SYN3: variants seen among roughly 807,000 people sequenced by gnomAD.
The protein encoded by SYN3 is synapsin-3.
A neutral mutation model predicts 65.8 loss-of-function variants in SYN3; 35 were observed. The observed-to-expected ratio is 0.53, with a 90% CI of 0.41 to 0.70. The LOEUF is 0.70. Ranked by LOEUF, SYN3 falls within the 30% of genes least tolerant of loss-of-function variation. The pLI is 0.00. For synonymous variants in SYN3, 270 were observed against 292.9 expected (o/e 0.92, Z 0.80); for missense variants, 680 against 749.0 (o/e 0.91, Z 1.08).
intron 3 of SYN3, among the ~76,000 whole-genome samples, chr22:32,966,092 C>T (rs1376114453): frequency 6.6e-6 from 1 of 152,136 alleles, no homozygotes; most frequent in Non-Finnish European, 1.5e-5. Context: ...GTCCCTGTTC[C>T]CAATGAGCCC....
chr22:32,573,764 GTTT>G (rs1206847975), intron 7 of SYN3, among the ~76,000 whole-genome samples: 1,917 of 108,494 alleles, frequency 0.018, 46 homozygotes, highest in African/African-American at 0.069. Context: ...GAAGGAAGGG[GTTT>G]TTTTTTTTTT....
intron 1 of SYN3, among the ~76,000 whole-genome samples, chr22:33,052,962 G>A (rs1457349821): frequency 6.6e-6 from 1 of 152,218 alleles, no homozygotes; most frequent in African/African-American, 2.4e-5. Flanking sequence ...ATTATAAATA[G>A]TGTACAGAGT....
intron 6 of SYN3, among the ~76,000 whole-genome samples, chr22:32,746,639 C>A (rs536862182): frequency 1.3e-5 from 2 of 152,290 alleles, no homozygotes; most frequent in African/African-American, 4.8e-5. Context: ...GGTACAGTGT[C>A]TTCCTCTGGG....
chr22:32,643,040 T>C (rs2059925670), intron 6 of SYN3, among the ~76,000 whole-genome samples: 1 of 152,216 alleles, frequency 6.6e-6, no homozygotes, highest in African/African-American at 2.4e-5. Flanking sequence ...ATAAAAGTGA[T>C]AGGGAAACCT....
intron 4 of SYN3, among the ~76,000 whole-genome samples, chr22:32,879,822 A>G (rs1181496211): frequency 6.6e-6 from 1 of 152,224 alleles, no homozygotes; most frequent in Admixed American, 6.5e-5. Flanking sequence ...TGGTCCATAT[A>G]AAGTCAACAA....
intron 6 of SYN3, among the ~76,000 whole-genome samples, chr22:32,638,042 C>T (rs2059843765): frequency 6.6e-6 from 1 of 152,170 alleles, no homozygotes; most frequent in Non-Finnish European, 1.5e-5. Context: ...CATGTTAGGT[C>T]CCATTCATAA....
intron 7 of SYN3, among the ~76,000 whole-genome samples, chr22:32,573,673 A>C (rs955397834): frequency 6.6e-6 from 1 of 151,896 alleles, no homozygotes; most frequent in Non-Finnish European, 1.5e-5. Flanking sequence ...GTTTTGAAAG[A>C]GGACACAGCA....
intron 6 of SYN3, among the ~76,000 whole-genome samples, chr22:32,651,107 G>T (rs1479258457): frequency 6.6e-6 from 1 of 152,186 alleles, no homozygotes; most frequent in African/African-American, 2.4e-5. Context: ...AGATGGAAGA[G>T]CACAGAAGGC....
chr22:32,596,675 T>C lies in SYN3; in HGVS notation c.773A>G (p.Lys258Arg). 1.2e-6 allele frequency: 2 copies of C among 1,613,956 alleles called. No homozygotes were observed. Among genetic ancestry groups the C allele is most frequent in the African/African-American group, 1.3e-5 (1 of 75,030 alleles). Reference sequence around the variant, plus strand: ...GAGTGGAAGGGCTGTTTCTCATACCTTTCCCATTCCAGCGTGGGCATGTCC... The same window carrying C: ...GAGTGGAAGGGCTGTTTCTCATACCCTTCCCATTCCAGCGTGGGCATGTCC... ...KLGHAHAGMG[K>R]IKVENQLDFQ... The change falls in exon 7 of 14, where the codon AAG becomes AGG. Residue 258 changes from lysine (K) to arginine (R), a missense_variant and splice_region_variant. By Grantham distance (26) the Lys-to-Arg change is conservative. Coordinates refer to ENST00000358763, the MANE Select transcript of SYN3 (RefSeq NM_003490.4).
intron 6 of SYN3, among the ~76,000 whole-genome samples, chr22:32,747,470 C>T (rs997753343): frequency 2.0e-5 from 3 of 152,100 alleles, no homozygotes; most frequent in Non-Finnish European, 4.4e-5. Flanking sequence ...GATGGGACAC[C>T]GGTAAAGTGC....
intron 9 of SYN3, among the ~76,000 whole-genome samples, chr22:32,536,958 A>AT (rs1004104157): frequency 2.0e-5 from 3 of 152,036 alleles, no homozygotes; most frequent in African/African-American, 7.2e-5. Flanking sequence ...GAAGGATTGG[A>AT]TTTTTTCATC....
At chr22:32,785,341 C>A (rs977452052) in intron 6 of SYN3, among the ~76,000 whole-genome samples, 1 of 152,148 alleles carries the variant, frequency 6.6e-6, no homozygotes, top group African/African-American at 2.4e-5. Context: ...TGACACCATG[C>A]TTCCGGGTAG....
At chr22:33,054,079 G>A (rs893313118) in intron 1 of SYN3, among the ~76,000 whole-genome samples, 11 of 152,188 alleles carry the variant, frequency 7.2e-5, no homozygotes, top group South Asian at 2.1e-4. Flanking sequence ...GAGGACAATC[G>A]CATCTCCTAT....
At chr22:32,804,094 A>G (rs1247710287) in intron 6 of SYN3, among the ~76,000 whole-genome samples, 3 of 152,196 alleles carry the variant, frequency 2.0e-5, no homozygotes, top group Non-Finnish European at 4.4e-5. Context: ...AATTTCTCAG[A>G]GAAAATCTAA....
At chr22:32,676,445 C>T (rs2060442407) in intron 6 of SYN3, among the ~76,000 whole-genome samples, 1 of 151,862 alleles carries the variant, frequency 6.6e-6, no homozygotes, top group Non-Finnish European at 1.5e-5. Flanking sequence ...GGGCCCTGTG[C>T]CAGTGCAAAG....
intron 6 of SYN3, among the ~76,000 whole-genome samples, chr22:32,608,898 T>C (rs1339562998): frequency 6.6e-6 from 1 of 152,260 alleles, no homozygotes; most frequent in East Asian, 1.9e-4. Context: ...TTAAAATCAG[T>C]ACAACTCCCC....
At position 32,713,555 on chromosome 22, in the gene SYN3, G is replaced by T. The variant is rs5998596; in HGVS notation, c.712-116819C>A. ...CCTAGAAAACAGATATCCCGGCTGG[G>T]CGCGGTGGCTCACGCCTGTAATCCC... On this transcript the variant is annotated intron_variant, in intron 6 of 13. Coordinates refer to ENST00000358763, the MANE Select transcript of SYN3 (RefSeq NM_003490.4). 7.7e-3 allele frequency among the ~76,000 whole-genome samples: 1,170 copies of T among 152,340 alleles called. 18 individuals carry two copies. The highest frequency in any genetic ancestry group is 0.027 in the African/African-American group (1,137 of 41,570).
At chr22:33,019,919 T>C (rs1485099091) in intron 1 of SYN3, among the ~76,000 whole-genome samples, 4 of 152,226 alleles carry the variant, frequency 2.6e-5, no homozygotes, top group Non-Finnish European at 4.4e-5. Context: ...GCAATCCACA[T>C]GAAGCTACTG....
intron 6 of SYN3, among the ~76,000 whole-genome samples, chr22:32,752,898 G>A (rs908945498): frequency 6.6e-6 from 1 of 152,132 alleles, no homozygotes; most frequent in Non-Finnish European, 1.5e-5. Context: ...CAGAGAAATG[G>A]AGCGGGGGTG....
Sources: allele counts gnomAD v4.1 joint callset (sites outside exome capture counted in the v4.1 genomes callset), GRCh38; gene constraint gnomAD v4.1.1; transcripts MANE v1.5; gene names NCBI Gene and HGNC (gene_info 2026-07-23, HGNC 2026-07-21).